The following RBFOX1 variants were observed in gnomAD, a reference collection of about 807,000 sequenced individuals.
RBFOX1 encodes the protein RNA binding fox-1 homolog 1.
A neutral mutation model predicts 57.7 loss-of-function variants in RBFOX1; 8 were observed. The observed-to-expected ratio is 0.14, with a 90% CI of 0.08 to 0.25. The LOEUF (loss-of-function observed/expected upper bound fraction) is 0.25. Ranked by LOEUF, RBFOX1 falls within the 10% of genes least tolerant of loss-of-function variation. RBFOX1 has a pLI of 1.00. For missense variants in RBFOX1, 611 were observed against 548.5 expected (o/e 1.11, Z -1.14); for synonymous variants, 326 against 222.4 (o/e 1.47, Z -4.15).
chr16:5,702,314 A>C (rs2051080743), intron 3 of RBFOX1, among the ~76,000 whole-genome samples: 1 of 152,162 alleles, frequency 6.6e-6, no homozygotes, highest in African/African-American at 2.4e-5. Flanking sequence ...TGTGCCCCAC[A>C]CTTTTAAACC....
intron 4 of RBFOX1, among the ~76,000 whole-genome samples, chr16:7,431,913 G>C (rs776221946): frequency 7.9e-5 from 12 of 152,210 alleles, no homozygotes; most frequent in Non-Finnish European, 1.6e-4. Flanking sequence ...GGAGGCAGGG[G>C]CTTGTTTCTA....
intron 14 of RBFOX1, among the ~76,000 whole-genome samples, chr16:7,696,536 C>T (rs571046415): frequency 8.9e-5 from 13 of 145,736 alleles, no homozygotes; most frequent in Non-Finnish European, 1.9e-4. Context: ...TAATCAGTGA[C>T]TAGAAATTCA....
chr16:7,487,333 T>C (rs549822996), intron 4 of RBFOX1, among the ~76,000 whole-genome samples: 2 of 152,322 alleles, frequency 1.3e-5, no homozygotes, highest in African/African-American at 4.8e-5. Context: ...CACGCCCTCA[T>C]ACTCATCACA....
intron 4 of RBFOX1, among the ~76,000 whole-genome samples, chr16:7,389,044 G>A (rs749138460): frequency 2.6e-5 from 4 of 152,100 alleles, no homozygotes; most frequent in South Asian, 2.1e-4. Flanking sequence ...AATGAATTGG[G>A]GGTATGGCCA....
chr16:7,346,900 C>CA (rs1010294103), intron 4 of RBFOX1, among the ~76,000 whole-genome samples: 4 of 151,398 alleles, frequency 2.6e-5, no homozygotes, highest in South Asian at 2.1e-4. Flanking sequence ...TGTCTAGCTT[C>CA]AAAAAAAACG....
intron 2 of RBFOX1, among the ~76,000 whole-genome samples, chr16:6,428,726 A>T (rs1437634011): frequency 6.6e-6 from 1 of 152,240 alleles, no homozygotes; most frequent in Non-Finnish European, 1.5e-5. Flanking sequence ...TGGGCTACGT[A>T]AACAAAATAT....
chr16:5,259,461 C>G (rs2062675529), intron 1 of RBFOX1, among the ~76,000 whole-genome samples: 1 of 152,150 alleles, frequency 6.6e-6, no homozygotes, highest in Non-Finnish European at 1.5e-5. Flanking sequence ...CTCTTTGACT[C>G]CATCTTGTAT....
chr16:5,318,781 C>G (rs938382452), intron 1 of RBFOX1, among the ~76,000 whole-genome samples: 5 of 152,134 alleles, frequency 3.3e-5, no homozygotes, highest in Non-Finnish European at 2.9e-5. Context: ...GTTTGGCTGA[C>G]CTTAACATAG....
At chr16:6,987,384 T>G (rs945162678) in intron 3 of RBFOX1, among the ~76,000 whole-genome samples, 2 of 150,768 alleles carry the variant, frequency 1.3e-5, no homozygotes, top group African/African-American at 2.5e-5. Flanking sequence ...ACTACCATGG[T>G]TTCTGATTCC....
At chr16:6,570,596 T>A (rs575803131) in intron 2 of RBFOX1, among the ~76,000 whole-genome samples, 1 of 152,318 alleles carries the variant, frequency 6.6e-6, no homozygotes, top group African/African-American at 2.4e-5. Context: ...TTATTGTTTA[T>A]CTGTATCTCT....
chr16:5,999,900 AAAAAAAAGAGTG>A (rs1237233837), intron 4 of RBFOX1, among the ~76,000 whole-genome samples: 1,542 of 44,864 alleles, frequency 0.034, 362 homozygotes, highest in African/African-American at 0.062. Context: ...AAAAAAAAAA[AAAAAAAAGAGTG>A]AAGAAGGGAA....
intron 2 of RBFOX1, among the ~76,000 whole-genome samples, chr16:5,548,991 T>G (rs527375839): frequency 1.3e-4 from 20 of 152,320 alleles, no homozygotes; most frequent in Non-Finnish European, 2.5e-4. Context: ...TAAGGTGATT[T>G]TATTGGATGT....
intron 4 of RBFOX1, among the ~76,000 whole-genome samples, chr16:7,103,691 C>T (rs1318703): frequency 0.63 from 95,027 of 151,966 alleles, 29,925 homozygotes; most frequent in South Asian, 0.7. Flanking sequence ...CTTAAAGAAA[C>T]GTAAATAATA....
At chr16:6,916,035 A>G (rs1018988056) in intron 3 of RBFOX1, among the ~76,000 whole-genome samples, 1 of 152,074 alleles carries the variant, frequency 6.6e-6, no homozygotes, top group Non-Finnish European at 1.5e-5. Context: ...CTTGACTGGC[A>G]GGAAGACAGA....
At chr16:6,282,740 T>G (rs74873970) in intron 1 of RBFOX1, among the ~76,000 whole-genome samples, 2,170 of 152,306 alleles carry the variant, frequency 0.014, 18 homozygotes, top group Non-Finnish European at 0.021. Flanking sequence ...ACTTTGCCCC[T>G]TCTTTTAAGA....
At chr16:5,699,256 C>T (rs889005985) in intron 3 of RBFOX1, among the ~76,000 whole-genome samples, 1 of 151,782 alleles carries the variant, frequency 6.6e-6, no homozygotes. Context: ...TAAGGGATCT[C>T]GGTTTTCTAT....
chr16:7,561,977 G>C (rs780482507), intron 5 of RBFOX1, among the ~76,000 whole-genome samples: 1 of 151,994 alleles, frequency 6.6e-6, no homozygotes, highest in Admixed American at 6.6e-5. Flanking sequence ...TTCTGAGTGG[G>C]ACAGGTAATT....
chr16:7,251,210 C>T (rs1427480225), intron 4 of RBFOX1, among the ~76,000 whole-genome samples: 1 of 151,152 alleles, frequency 6.6e-6, no homozygotes, highest in Non-Finnish European at 1.5e-5. Context: ...AACTTCTATT[C>T]CCTACTTCTA....
intron 4 of RBFOX1, among the ~76,000 whole-genome samples, chr16:7,441,451 T>G (rs900787744): frequency 1.3e-5 from 2 of 152,154 alleles, no homozygotes; most frequent in African/African-American, 4.8e-5. Flanking sequence ...GAGATGGGAC[T>G]CTAGGGATTC....
Sources: gnomAD v4.1 joint callset for allele counts (sites outside exome capture counted in the v4.1 genomes callset) on GRCh38, gnomAD v4.1.1 for gene constraint, MANE v1.5 for transcripts, NCBI Gene and HGNC (gene_info 2026-07-23, HGNC 2026-07-21) for gene names.